DPM1: variants seen among roughly 807,000 people sequenced by gnomAD.
DPM1 encodes the protein dolichol-phosphate mannosyltransferase subunit 1.
Under a neutral mutation model 39.0 loss-of-function variants are expected in DPM1, and 27 were observed. The observed-to-expected ratio is 0.69, with a 90% confidence interval of 0.51 to 0.95. The LOEUF is 0.95. Ranked by LOEUF, DPM1 falls within the 40% of genes least tolerant of loss-of-function variation. DPM1 has a pLI of 0.00. For missense variants in DPM1, 307 were observed against 315.6 expected (o/e 0.97, Z 0.21); for synonymous variants, 124 against 109.0 (o/e 1.14, Z -0.86).
chr20:50,935,150 A>G lies in DPM1; in HGVS notation c.765T>C (p.Thr255=). 6.3e-7 allele frequency: 1 copy of G among 1,588,886 alleles called. No individual in the cohort carries two copies. Among genetic ancestry groups the G allele is most frequent in the South Asian group, 1.1e-5 (1 of 90,358 alleles). Residue 255 remains threonine, a synonymous_variant, in exon 9 of 9, where the codon ACT becomes ACC. Coordinates refer to ENST00000371588, the MANE Select transcript of DPM1 (RefSeq NM_003859.3). ...EIVSFLKGLL[T]LFATT ...CTTTCTTTTATGTAGTAGCAAAAAG[A>G]GTCAATAATCCTTTCAAGAAAGATA... is the stretch of plus-strand genomic sequence containing the variant.
chr20:50,946,992 T>G (rs1248786868), intron 3 of DPM1, among the ~76,000 whole-genome samples: 1 of 152,180 alleles, frequency 6.6e-6, no homozygotes, highest in Non-Finnish European at 1.5e-5. Context: ...GCGGATCATC[T>G]GAGGTCGGGA....
chr20:50,941,906 G>GT, intron 6 of DPM1, 125 bp downstream of exon 6: 1 of 805,876 alleles, frequency 1.2e-6, no homozygotes, highest in Non-Finnish European at 2.1e-6. Flanking sequence ...CTATCTGGGA[G>GT]TATTTACTGG....
chr20:50,947,788 C>A (rs772848044), intron 3 of DPM1, among the ~76,000 whole-genome samples: 18 of 152,100 alleles, frequency 1.2e-4, no homozygotes, highest in Non-Finnish European at 2.2e-4. Flanking sequence ...GTCACGACGC[C>A]CAGCTAATTT....
intron 5 of DPM1, among the ~76,000 whole-genome samples, chr20:50,942,392 G>A (rs976620957): frequency 6.6e-6 from 1 of 152,050 alleles, no homozygotes. Flanking sequence ...TGTAATCCCA[G>A]CTACTCAGGA....
chr20:50,941,108 G>A, intron 6 of DPM1, 175 bp from the exon 7 acceptor site: 1 of 728,936 alleles, frequency 1.4e-6, no homozygotes, highest in Non-Finnish European at 2.3e-6. Context: ...AGGAGACCTG[G>A]CTAGGCGCGG....
intron 3 of DPM1, 49 bp downstream of exon 3, chr20:50,948,580 G>A (rs1201363408): frequency 6.3e-7 from 1 of 1,580,242 alleles, no homozygotes; most frequent in African/African-American, 1.3e-5. Flanking sequence ...ACTGGATCAT[G>A]TCACCAAGCA....
chr20:50,945,284 T>TGTG lies in DPM1; in HGVS notation c.398+452_398+453insCAC, dbSNP rs1555822494. The TGTG allele has an allele frequency of 1.3e-3, 203 of 157,096 alleles. 1 individual carries two copies. In the East Asian group the frequency reaches 0.013, roughly 10 times the overall value. 9.7% of individuals were successfully genotyped at this position (157,096 alleles called of 1,614,324 possible). A position where few individuals can be genotyped will look rare whatever the true frequency, so the allele number is the denominator to read the frequency against. The stretch of plus-strand genomic sequence containing the variant: ...TACATCATTTAGTCTCAAATGTGTG[T>TGTG]TGTGTGTGTGTGTGTGTGTGTGTGT... On this transcript the variant is annotated intron_variant, in intron 5 of 8. Transcript: ENST00000371588.
chr20:50,958,394 CGAT>C lies in DPM1; in HGVS notation c.127_129del (p.Ile43del). On this transcript the variant is annotated inframe_deletion, in exon 1 of 9. Transcript: ENST00000371588. ...GAGAAGCTTTTCACCAGCAGCCACA[CGAT>C]GAGCGGCAGGTTCTCGCGCTCGTTG... 2 of 1,613,970 alleles carry C rather than the reference CGAT, an allele frequency of 1.2e-6. No individual in the cohort carries two copies. Among genetic ancestry groups the C allele is most frequent in the Non-Finnish European group, 1.7e-6 (2 of 1,180,034 alleles).
intron 1 of DPM1, among the ~76,000 whole-genome samples, chr20:50,958,087 C>T (rs1400048847): frequency 6.6e-6 from 1 of 152,170 alleles, no homozygotes; most frequent in Non-Finnish European, 1.5e-5. Context: ...AAAAGAGTGG[C>T]CAACCTTTCT....
At chr20:50,940,976 T>G in intron 6 of DPM1, 43 bp from the exon 7 acceptor site, 1 of 1,578,806 alleles carries the variant, frequency 6.3e-7, no homozygotes, top group Non-Finnish European at 8.7e-7. Flanking sequence ...AAATACAATT[T>G]ATAAACAAGA....
chr20:50,946,006 C>G (rs1986263302), intron 3 of DPM1, 83 bp from the exon 4 acceptor site: 1 of 1,179,814 alleles, frequency 8.5e-7, no homozygotes, highest in Admixed American at 1.7e-5. Context: ...TTGTTTAGCA[C>G]CTGAAGAGCA....
chr20:50,935,128 T>G lies in DPM1; in HGVS notation c.*4A>C. 6.7e-7 allele frequency: 1 copy of G among 1,494,578 alleles called. No homozygotes were observed. The allele number at this position is 1,494,578 out of a possible 1,614,324, so 92.6% of individuals were successfully genotyped here. A position where few individuals can be genotyped will look rare whatever the true frequency, so the allele number is the denominator to read the frequency against. The stretch of plus-strand genomic sequence containing the variant: ...GAACGTAACTATAAATGAGTATCTT[T>G]CTTTTATGTAGTAGCAAAAAGAGTC... On this transcript the variant is annotated 3_prime_UTR_variant, in exon 9 of 9. Coordinates refer to ENST00000371588, the MANE Select transcript of DPM1 (RefSeq NM_003859.3).
intron 5 of DPM1, among the ~76,000 whole-genome samples, chr20:50,943,740 A>G (rs1026338586): frequency 7.9e-6 from 1 of 125,880 alleles, no homozygotes; most frequent in Non-Finnish European, 1.7e-5. Flanking sequence ...AAGCCTGAGT[A>G]TTTTTTTTTT....
chr20:50,949,869 G>A (rs530618571), intron 2 of DPM1, among the ~76,000 whole-genome samples: 23 of 151,602 alleles, frequency 1.5e-4, no homozygotes, highest in Admixed American at 1.4e-3. Flanking sequence ...TACAAGTCAA[G>A]TCTTTTGTGG....
At chr20:50,954,839 T>G (rs762175524) in intron 2 of DPM1, among the ~76,000 whole-genome samples, 4 of 152,212 alleles carry the variant, frequency 2.6e-5, no homozygotes, top group Non-Finnish European at 5.9e-5. Flanking sequence ...GCAAGAAAGA[T>G]TAAGACACAC....
Position 50,955,198 on chromosome 20 carries a change from C to T in DPM1, c.249G>A (p.Gly83=). 1.9e-6 allele frequency: 3 copies of T among 1,611,716 alleles called. No individual in the cohort carries two copies. Among genetic ancestry groups the T allele is most frequent in the Non-Finnish European group, 2.5e-6 (3 of 1,178,674 alleles). ...TCTTATAACTTACAATTCTGTCTGA[C>T]CCATAGATCTTCTCCAACTGTTCAG... ...DVAEQLEKIY[G]SDRILLRPRE... The change falls in exon 2 of 9, where the codon GGG becomes GGA. Residue 83 remains glycine, a synonymous_variant. Coordinates refer to ENST00000371588, the MANE Select transcript of DPM1 (RefSeq NM_003859.3).
intron 3 of DPM1, 112 bp downstream of exon 3, chr20:50,948,517 C>A (rs1986409561): frequency 1.9e-6 from 2 of 1,029,552 alleles, no homozygotes; most frequent in African/African-American, 1.6e-5. Flanking sequence ...TCATTAAAAA[C>A]CATCATAGGA....
At chr20:50,955,753 C>G (rs1041771006) in intron 1 of DPM1, among the ~76,000 whole-genome samples, 2 of 152,068 alleles carry the variant, frequency 1.3e-5, no homozygotes, top group Non-Finnish European at 2.9e-5. Flanking sequence ...TTAGTAGAGA[C>G]GGGGTTTCAC....
Position 50,941,072 on chromosome 20 carries a change from C to G in DPM1, c.495-139G>C, listed in dbSNP as rs762294408. 18 of 995,576 alleles carry G rather than the reference C, an allele frequency of 1.8e-5. No homozygotes were observed. The South Asian group carries it at 2.8e-4, about 15-fold the overall frequency. The allele number at this position is 995,576 out of a possible 1,614,324, so 61.7% of individuals were successfully genotyped here. A position where few individuals can be genotyped will look rare whatever the true frequency, so the allele number is the denominator to read the frequency against. On this transcript the variant is annotated intron_variant, in intron 6 of 8. Coordinates refer to ENST00000371588, the MANE Select transcript of DPM1 (RefSeq NM_003859.3). ...TCATAAAAATGTTATTTATCTAGAA[C>G]AAAATAGAAATTTTTAGTCAATGAA...
Sources: allele counts gnomAD v4.1 joint callset (sites outside exome capture counted in the v4.1 genomes callset), GRCh38; gene constraint gnomAD v4.1.1; transcripts MANE v1.5; gene names NCBI Gene and HGNC (gene_info 2026-07-23, HGNC 2026-07-21).